Variants in ARSB observed in about 807,000 individuals in gnomAD.
ARSB encodes the protein N-acetylgalactosamine-4-sulfatase.
A neutral mutation model predicts 50.9 loss-of-function variants in ARSB; 41 were observed. That is an observed-to-expected ratio of 0.81 (90% CI 0.63 to 1.04). ARSB has a LOEUF of 1.04. Among genes scored for constraint, ARSB ranks in the 50% least tolerant of loss-of-function variants. The pLI, the probability that ARSB is intolerant of heterozygous loss-of-function variation, is 0.00. For synonymous variants in ARSB, 269 were observed against 284.8 expected (o/e 0.94, Z 0.56); for missense variants, 672 against 693.3 (o/e 0.97, Z 0.35).
In ARSB at chr5:78,780,295, G is replaced by C. The variant is rs894738625; in HGVS notation, c.*102C>G. Reference sequence around the variant, plus strand: ...CGGTGTGGTTTAAGAGCAAGAGAAGGGCCAAGTGAACCCAGGTTGGGATAA... The same window carrying C: ...CGGTGTGGTTTAAGAGCAAGAGAAGCGCCAAGTGAACCCAGGTTGGGATAA... On this transcript the variant is annotated 3_prime_UTR_variant, in exon 8 of 8. Transcript: ENST00000264914. 10 of 1,521,568 alleles carry C rather than the reference G, an allele frequency of 6.6e-6. No homozygotes were observed. In the African/African-American group the frequency reaches 1.4e-4, roughly 21 times the overall value. The allele number at this position is 1,521,568 out of a possible 1,614,324, so 94.3% of individuals were successfully genotyped here.
chr5:78,878,881 T>C (rs1747609959), intron 5 of ARSB, among the ~76,000 whole-genome samples: 1 of 151,972 alleles, frequency 6.6e-6, no homozygotes, highest in African/African-American at 2.4e-5. Context: ...TGAAACAGGA[T>C]CTTGCTCTGT....
At chr5:78,851,297 C>G (rs1745763987) in intron 5 of ARSB, among the ~76,000 whole-genome samples, 1 of 152,180 alleles carries the variant, frequency 6.6e-6, no homozygotes, top group African/African-American at 2.4e-5. Context: ...ATCTTTACTT[C>G]TGCCTTCATT....
At chr5:78,841,162 C>CTAATAATAATAATAA (rs1427792909) in intron 5 of ARSB, among the ~76,000 whole-genome samples, 11 of 97,674 alleles carry the variant, frequency 1.1e-4, no homozygotes, top group African/African-American at 2.8e-4. Flanking sequence ...ACTACTACTA[C>CTAATAATAATAATAA]TACTACTAAT....
At chr5:78,898,554 C>T (rs985850220) in intron 4 of ARSB, among the ~76,000 whole-genome samples, 1 of 152,116 alleles carries the variant, frequency 6.6e-6, no homozygotes, top group Admixed American at 6.5e-5. Flanking sequence ...AAAAAACATA[C>T]ATTAGTTTTC....
chr5:78,983,540 C>G (rs779862662), intron 1 of ARSB, among the ~76,000 whole-genome samples: 1 of 152,134 alleles, frequency 6.6e-6, no homozygotes, highest in Non-Finnish European at 1.5e-5. Context: ...CTGGCACATC[C>G]CTTTACTCCC....
intron 4 of ARSB, among the ~76,000 whole-genome samples, chr5:78,918,376 T>A (rs549497541): frequency 6.6e-6 from 1 of 152,214 alleles, no homozygotes; most frequent in African/African-American, 2.4e-5. Flanking sequence ...TATCAAATTT[T>A]ATTTCAAGGG....
intron 6 of ARSB, among the ~76,000 whole-genome samples, chr5:78,805,200 A>T (rs1477305543): frequency 1.3e-5 from 2 of 152,220 alleles, no homozygotes; most frequent in African/African-American, 4.8e-5. Context: ...TGAGTCGCAT[A>T]ACAAGCAAAA....
intron 1 of ARSB, among the ~76,000 whole-genome samples, chr5:78,970,643 T>C (rs943266095): frequency 6.6e-6 from 1 of 152,060 alleles, no homozygotes; most frequent in Non-Finnish European, 1.5e-5. Context: ...GTGGCACTTG[T>C]GATAGAGTGG....
intron 1 of ARSB, among the ~76,000 whole-genome samples, chr5:78,983,430 G>GC (rs1163002076): frequency 6.6e-6 from 1 of 152,144 alleles, no homozygotes; most frequent in Non-Finnish European, 1.5e-5. Context: ...GAAATGAATG[G>GC]CCCTTCCATT....
intron 4 of ARSB, among the ~76,000 whole-genome samples, chr5:78,918,314 A>C (rs1365296940): frequency 6.6e-6 from 1 of 152,210 alleles, no homozygotes; most frequent in Non-Finnish European, 1.5e-5. Flanking sequence ...ACGTGGAATT[A>C]AACTTTATAG....
intron 6 of ARSB, among the ~76,000 whole-genome samples, chr5:78,836,384 G>C (rs1282319189): frequency 6.6e-6 from 1 of 152,190 alleles, no homozygotes. Context: ...GCAGGAGTCA[G>C]AGCAGGAGTC....
intron 5 of ARSB, among the ~76,000 whole-genome samples, chr5:78,855,413 G>C (rs1189851927): frequency 6.6e-6 from 1 of 152,210 alleles, no homozygotes; most frequent in Non-Finnish European, 1.5e-5. Flanking sequence ...GGAAAGGGTG[G>C]TGGGAGGTGG....
At chr5:78,984,863 G>C (rs1753083616) in intron 1 of ARSB, 74 bp downstream of exon 1, 1 of 1,182,020 alleles carries the variant, frequency 8.5e-7, no homozygotes, top group Non-Finnish European at 1.1e-6. Flanking sequence ...GCGGCCTCAA[G>C]GGCCGGGTAG....
intron 6 of ARSB, among the ~76,000 whole-genome samples, chr5:78,833,837 C>A (rs1347617284): frequency 6.6e-6 from 1 of 152,188 alleles, no homozygotes; most frequent in Non-Finnish European, 1.5e-5. Flanking sequence ...CTTTTCAATG[C>A]AGGGAGCGAT....
rs1248805368 is a variant in ARSB, at chr5:78,778,267, G to C, written c.*2130C>G. 1 of 152,214 alleles carries C rather than the reference G, an allele frequency of 6.6e-6. No individual in the cohort carries two copies. The highest frequency in any genetic ancestry group is 2.4e-5 in the African/African-American group (1 of 41,446). The allele number at this position is 152,214 out of a possible 1,614,324, so 9.4% of individuals were successfully genotyped here. ...GTGATGGCAGTTTGGTCAGCTGTTT[G>C]CCAACCCAGGAGTTGGGTAAAGGTT... On this transcript the variant is annotated 3_prime_UTR_variant, in exon 8 of 8. Coordinates refer to ENST00000264914, the MANE Select transcript of ARSB (RefSeq NM_000046.5).
At chr5:78,891,540 A>G (rs865854059) in intron 4 of ARSB, among the ~76,000 whole-genome samples, 11 of 152,198 alleles carry the variant, frequency 7.2e-5, no homozygotes, top group Non-Finnish European at 1.6e-4. Flanking sequence ...AGGATGGACA[A>G]GGTCCTGTCC....
intron 4 of ARSB, among the ~76,000 whole-genome samples, chr5:78,929,887 C>T (rs1750239675): frequency 6.6e-6 from 1 of 151,586 alleles, no homozygotes; most frequent in African/African-American, 2.4e-5. Context: ...TAGAGTTATG[C>T]TTGTTAAAGT....
chr5:78,795,639 A>C (rs1270439563), intron 6 of ARSB, among the ~76,000 whole-genome samples: 1 of 152,214 alleles, frequency 6.6e-6, no homozygotes, highest in Non-Finnish European at 1.5e-5. Flanking sequence ...CTGTCCTTGG[A>C]GAAATTCTTA....
chr5:78,782,015 G>A lies in ARSB; in HGVS notation c.1214-41C>T. ...TTGAAAGAATTAGATCACTGTTATT[G>A]GAACGTGTTGTTATAAATCAGCATT... On this transcript the variant is annotated intron_variant, in intron 6 of 7. Transcript: ENST00000264914. 5 of 1,613,372 alleles carry A rather than the reference G, an allele frequency of 3.1e-6. No homozygotes were observed. In the South Asian group the frequency reaches 3.3e-5, roughly 11 times the overall value.
Sources: gnomAD v4.1 joint callset for allele counts (sites outside exome capture counted in the v4.1 genomes callset) on GRCh38, gnomAD v4.1.1 for gene constraint, MANE v1.5 for transcripts, NCBI Gene and HGNC (gene_info 2026-07-23, HGNC 2026-07-21) for gene names.